The following GTF2A1L variants were observed in gnomAD, a reference collection of about 807,000 sequenced individuals.
GTF2A1L encodes the protein general transcription factor IIA subunit 1 like, also known as TFIIA-alpha and beta-like factor.
GTF2A1L carries 48 observed loss-of-function variants against 49.7 expected under a neutral mutation model. That is an observed-to-expected ratio of 0.97 (90% confidence interval 0.77 to 1.23). The LOEUF (loss-of-function observed/expected upper bound fraction) is 1.23. Among genes scored for constraint, GTF2A1L ranks in the 50% most tolerant of loss-of-function variants. GTF2A1L has a pLI of 0.00. For missense variants in GTF2A1L, 736 were observed against 564.8 expected (o/e 1.30, Z -3.07); for synonymous variants, 246 against 193.5 (o/e 1.27, Z -2.25).
At chr2:48,647,344 TC>T (rs1677580353) in intron 6 of GTF2A1L, among the ~76,000 whole-genome samples, 1 of 152,152 alleles carries the variant, frequency 6.6e-6, no homozygotes, top group Non-Finnish European at 1.5e-5. Flanking sequence ...TAACTGTCAG[TC>T]CTTGAAATAT....
intron 6 of GTF2A1L, among the ~76,000 whole-genome samples, chr2:48,665,850 A>C (rs1457118588): frequency 6.6e-6 from 1 of 152,130 alleles, no homozygotes; most frequent in Non-Finnish European, 1.5e-5. Context: ...GGGTTTCCAT[A>C]TCTTTACTGA....
intron 8 of GTF2A1L, among the ~76,000 whole-genome samples, chr2:48,675,320 T>A (rs1457752158): frequency 6.6e-6 from 1 of 152,158 alleles, no homozygotes; most frequent in Non-Finnish European, 1.5e-5. Flanking sequence ...AATGTACATT[T>A]TAACAAGACT....
intron 6 of GTF2A1L, among the ~76,000 whole-genome samples, chr2:48,657,263 C>T (rs1300753269): frequency 6.6e-6 from 1 of 152,126 alleles, no homozygotes; most frequent in Non-Finnish European, 1.5e-5. Flanking sequence ...TCCCCTTCTC[C>T]CTTTTTGGAG....
At chr2:48,636,220 C>G (rs1359636884) in intron 3 of GTF2A1L, among the ~76,000 whole-genome samples, 1 of 152,196 alleles carries the variant, frequency 6.6e-6, no homozygotes, top group Non-Finnish European at 1.5e-5. Context: ...GAAAAAAAGG[C>G]TATATTAACT....
chr2:48,673,676 G>T (rs1352937979), intron 8 of GTF2A1L, among the ~76,000 whole-genome samples: 1 of 151,992 alleles, frequency 6.6e-6, no homozygotes, highest in Non-Finnish European at 1.5e-5. Flanking sequence ...TAGAAATGAA[G>T]ACCCAAAGAA....
chr2:48,677,680 A>G (rs1679545345), intron 8 of GTF2A1L, among the ~76,000 whole-genome samples: 1 of 151,916 alleles, frequency 6.6e-6, no homozygotes, highest in South Asian at 2.1e-4. Flanking sequence ...ACAAGGGTAA[A>G]AACAGGAACT....
At chr2:48,627,772 A>C (rs139844314) in intron 3 of GTF2A1L, among the ~76,000 whole-genome samples, 1 of 143,052 alleles carries the variant, frequency 7.0e-6, no homozygotes, top group South Asian at 2.4e-4. Flanking sequence ...GGTTTGTTAC[A>C]TGGGTATATT....
chr2:48,645,739 C>T (rs770180240), intron 5 of GTF2A1L, among the ~76,000 whole-genome samples: 6 of 152,210 alleles, frequency 3.9e-5, no homozygotes, highest in African/African-American at 1.4e-4. Flanking sequence ...AGCTCCGCCT[C>T]CTGGGTTCAC....
intron 6 of GTF2A1L, among the ~76,000 whole-genome samples, chr2:48,657,251 C>A (rs79506265): frequency 6.6e-6 from 1 of 152,130 alleles, no homozygotes; most frequent in Non-Finnish European, 1.5e-5. Context: ...CTTGCCCTCA[C>A]TTCCCCTTCT....
At chr2:48,644,315 G>A (rs1006784429) in intron 4 of GTF2A1L, among the ~76,000 whole-genome samples, 2 of 152,154 alleles carry the variant, frequency 1.3e-5, no homozygotes, top group Non-Finnish European at 2.9e-5. Context: ...ATAAAAAGTA[G>A]GGATACTCTT....
chr2:48,648,725 G>A (rs1446209586), intron 6 of GTF2A1L, among the ~76,000 whole-genome samples: 1 of 152,088 alleles, frequency 6.6e-6, no homozygotes, highest in Non-Finnish European at 1.5e-5. Context: ...CTTTAGATTA[G>A]TGCTATTATG....
In GTF2A1L at chr2:48,624,980, T is replaced by C. The variant is rs948104705; in HGVS notation, c.247+3690T>C. 6.2e-5 allele frequency among the ~76,000 whole-genome samples: 9 copies of C among 144,330 alleles called. 1 individual carries two copies. Among genetic ancestry groups the C allele is most frequent in the African/African-American group, 2.2e-4 (9 of 40,526 alleles). The allele number at this position is 144,330 out of a possible 152,430, so 94.7% of individuals were successfully genotyped here. Reference sequence around the variant, plus strand: ...TGTCCATTTGCAGACACTTCGGTTGTTTACAAATCTTGGCTATCGTGAGTA... The same window carrying C: ...TGTCCATTTGCAGACACTTCGGTTGCTTACAAATCTTGGCTATCGTGAGTA... On this transcript the variant is annotated intron_variant, in intron 3 of 8. Transcript: ENST00000403751.
intron 3 of GTF2A1L, among the ~76,000 whole-genome samples, chr2:48,636,776 T>G (rs186322975): frequency 6.6e-6 from 1 of 152,266 alleles, no homozygotes; most frequent in East Asian, 1.9e-4. Context: ...TGGGGTTCTA[T>G]TAATAATTAC....
intron 3 of GTF2A1L, among the ~76,000 whole-genome samples, chr2:48,621,622 G>A (rs1037923421): frequency 3.3e-5 from 5 of 152,146 alleles, no homozygotes; most frequent in African/African-American, 1.2e-4. Flanking sequence ...GATTAGAAGT[G>A]GCAGAGGGAA....
At chr2:48,641,375 T>C (rs756770070) in intron 3 of GTF2A1L, among the ~76,000 whole-genome samples, 3 of 152,170 alleles carry the variant, frequency 2.0e-5, no homozygotes, top group Non-Finnish European at 4.4e-5. Context: ...GTGGAAGGAA[T>C]GGTTAGTTTA....
intron 3 of GTF2A1L, among the ~76,000 whole-genome samples, chr2:48,628,253 G>C (rs1053608078): frequency 1.4e-5 from 2 of 144,136 alleles, no homozygotes; most frequent in Non-Finnish European, 3.1e-5. Flanking sequence ...TAATGGGATT[G>C]CTGGGTCAAA....
chr2:48,651,352 C>G (rs1416368441), intron 6 of GTF2A1L, among the ~76,000 whole-genome samples: 2 of 151,934 alleles, frequency 1.3e-5, no homozygotes, highest in African/African-American at 2.4e-5. Context: ...GCTAAAAATA[C>G]CAGTGTTTCT....
intron 7 of GTF2A1L, among the ~76,000 whole-genome samples, 200 bp from the exon 8 acceptor site, chr2:48,671,391 A>G (rs1339176424): frequency 1.3e-5 from 2 of 151,834 alleles, no homozygotes; most frequent in Non-Finnish European, 2.9e-5. Flanking sequence ...TTCAGTAGAG[A>G]TGGGATTTCA....
chr2:48,678,281 T>C (rs1187729256), intron 8 of GTF2A1L, among the ~76,000 whole-genome samples: 1 of 151,998 alleles, frequency 6.6e-6, no homozygotes, highest in Non-Finnish European at 1.5e-5. Flanking sequence ...GAGTTTGGGA[T>C]GTTTGTTGTC....
Sources: gnomAD v4.1 joint callset for allele counts (sites outside exome capture counted in the v4.1 genomes callset) on GRCh38, gnomAD v4.1.1 for gene constraint, MANE v1.5 for transcripts, NCBI Gene and HGNC (gene_info 2026-07-23, HGNC 2026-07-21) for gene names.